PMP22: variants seen among roughly 807,000 people sequenced by gnomAD.
PMP22 encodes Charcot-Marie-Tooth neuropathy 1A (greatly reduced nerve conduction velocity, hereditary motor sensory neuropathy Ia).
A neutral mutation model predicts 18.9 loss-of-function variants in PMP22; 2 were observed. The observed-to-expected ratio is 0.11, with a 90% CI of 0.04 to 0.33. The LOEUF is 0.33. Among genes scored for constraint, PMP22 ranks in the 10% least tolerant of loss-of-function variants. The pLI is 1.00. For missense variants in PMP22, 169 were observed against 202.2 expected, an observed-to-expected ratio of 0.84 and a Z score of 1.00; for synonymous variants, 95 against 89.2, an observed-to-expected ratio of 1.07 and a Z score of -0.37.
intron 1 of PMP22, among the ~76,000 whole-genome samples, chr17:15,262,134 C>G (rs1205820172): frequency 6.6e-6 from 1 of 152,218 alleles, no homozygotes; most frequent in Non-Finnish European, 1.5e-5. Flanking sequence ...CAGTGTGTCC[C>G]AGAGTCAACG....
At chr17:15,249,331 T>C (rs1021260219) in intron 3 of PMP22, among the ~76,000 whole-genome samples, 1 of 152,154 alleles carries the variant, frequency 6.6e-6, no homozygotes, top group Admixed American at 6.6e-5. Flanking sequence ...ATGCCTGCTC[T>C]GCTTTTAGGA....
At chr17:15,240,246 A>T (rs1299894290) in intron 3 of PMP22, among the ~76,000 whole-genome samples, 1 of 152,120 alleles carries the variant, frequency 6.6e-6, no homozygotes, top group Non-Finnish European at 1.5e-5. Context: ...AATAGCTTAA[A>T]ACCACTATTC....
Position 15,230,995 on chromosome 17 carries a change from G to A in PMP22, c.405C>T (p.Ala135=). ...HLNSDYSYGF[A]YILAWVAFPL... The stretch of plus-strand genomic sequence containing the variant: ...GGAAGGCCACCCAGGCCAGGATGTA[G>A]GCGAAACCGTAGGAGTAATCCGAGT... Residue 135 remains alanine, a synonymous_variant, in exon 5 of 5, where the codon GCC becomes GCT. Transcript: ENST00000312280. 6.2e-7 allele frequency: 1 copy of A among 1,614,164 alleles called. No homozygotes were observed. The highest frequency in any genetic ancestry group is 8.5e-7 in the Non-Finnish European group (1 of 1,180,016).
chr17:15,263,575 ACG>A (rs898532214), intron 1 of PMP22, among the ~76,000 whole-genome samples: 2 of 105,758 alleles, frequency 1.9e-5, no homozygotes, highest in South Asian at 2.9e-4. Context: ...CAGTTCACGC[ACG>A]CGCGCGCACA....
Position 15,261,277 on chromosome 17 carries a change from G to A in PMP22, c.-34-516C>T, listed in dbSNP as rs1456870115. On this transcript the variant is annotated intron_variant, in intron 1 of 4. Coordinates refer to ENST00000312280, the MANE Select transcript of PMP22 (RefSeq NM_000304.4). The surrounding 1 kb of genome is among the most constrained non-coding windows in gnomAD (Gnocchi z 5.2). ...GGCATGCGGTGGGGGAGACAGCGGC[G>A]AGGAGGCTGGTTTCCCAGACCCCAG... 6.5e-6 allele frequency: 1 copy of A among 153,022 alleles called. No homozygotes were observed. The highest frequency in any genetic ancestry group is 2.4e-5 in the African/African-American group (1 of 41,446). The allele number at this position is 153,022 out of a possible 1,614,324, so 9.5% of individuals were successfully genotyped here. A position where few individuals can be genotyped will look rare whatever the true frequency, so the allele number is the denominator to read the frequency against.
At chr17:15,247,042 C>A (rs1338779124) in intron 3 of PMP22, among the ~76,000 whole-genome samples, 1 of 126,932 alleles carries the variant, frequency 7.9e-6, no homozygotes, top group Non-Finnish European at 1.6e-5. Context: ...TGCACTCCAG[C>A]CTGGAAACAG....
rs201945977 is a variant in PMP22 at position 15,239,652 on chromosome 17, C to A, written c.179-41G>T. 936 of 1,611,256 alleles carry A rather than the reference C, an allele frequency of 5.8e-4. 1 individual carries two copies. Among genetic ancestry groups the A allele is most frequent in the Non-Finnish European group, 7.3e-4 (866 of 1,178,646 alleles). On this transcript the variant is annotated intron_variant, in intron 3 of 4. Coordinates refer to ENST00000312280, the MANE Select transcript of PMP22 (RefSeq NM_000304.4). The stretch of plus-strand genomic sequence containing the variant: ...ACTTGGTTAGGAGAGCTGGCCATGG[C>A]CGGGGGAGGGCTCTGCCTCGAGGTG...
At chr17:15,231,476 T>C (rs192075943) in intron 4 of PMP22, among the ~76,000 whole-genome samples, 1 of 152,216 alleles carries the variant, frequency 6.6e-6, no homozygotes, top group Admixed American at 6.5e-5. Flanking sequence ...ACTCTACAAG[T>C]GAGTGGTGGC....
chr17:15,257,813 C>A (rs1908970798), intron 3 of PMP22, among the ~76,000 whole-genome samples: 1 of 152,236 alleles, frequency 6.6e-6, no homozygotes, highest in African/African-American at 2.4e-5. Context: ...CCCTCCCCAA[C>A]CCAGAAGGTA....
At position 15,230,792 on chromosome 17, in the gene PMP22, C is replaced by T; in HGVS notation, c.*125G>A. 1 of 998,886 alleles carries T rather than the reference C, an allele frequency of 1.0e-6. No homozygotes were observed. Among genetic ancestry groups the T allele is most frequent in the Non-Finnish European group, 1.6e-6 (1 of 638,770 alleles). The allele number at this position is 998,886 out of a possible 1,614,324, so 61.9% of individuals were successfully genotyped here. On this transcript the variant is annotated 3_prime_UTR_variant, in exon 5 of 5. Transcript: ENST00000312280. ...TCAACAGCAACCCCCACCTCCACTG[C>T]TTTCTGTTTGGTTTGGTTTGAGTTT...
intron 3 of PMP22, among the ~76,000 whole-genome samples, chr17:15,249,281 G>A (rs1384597119): frequency 6.6e-6 from 1 of 152,110 alleles, no homozygotes; most frequent in Non-Finnish European, 1.5e-5. Flanking sequence ...CGGGACCCAT[G>A]CAATGTGCAG....
intron 1 of PMP22, among the ~76,000 whole-genome samples, chr17:15,263,779 G>A (rs550751403): frequency 2.6e-5 from 4 of 152,192 alleles, no homozygotes; most frequent in Admixed American, 2.0e-4. Flanking sequence ...TAAAACTATC[G>A]TGTTATCAGA....
chr17:15,242,306 T>C (rs2150681344), intron 3 of PMP22, among the ~76,000 whole-genome samples: 1 of 138,840 alleles, frequency 7.2e-6, no homozygotes, highest in East Asian at 2.1e-4. Context: ...TCTAATATAA[T>C]AGATACACCT....
intron 1 of PMP22, among the ~76,000 whole-genome samples, chr17:15,263,468 G>A (rs1909498359): frequency 6.6e-6 from 1 of 152,102 alleles, no homozygotes; most frequent in Non-Finnish European, 1.5e-5. Context: ...GCTTGGCAGA[G>A]GCGCGCCCAA....
At chr17:15,263,581 G>GCACA (rs1252164081) in intron 1 of PMP22, among the ~76,000 whole-genome samples, 12 of 87,312 alleles carry the variant, frequency 1.4e-4, no homozygotes, top group African/African-American at 5.0e-4. Context: ...ACGCACGCGC[G>GCACA]CGCACACACA....
At chr17:15,235,292 G>T in intron 4 of PMP22, 1 of 717,454 alleles carries the variant, frequency 1.4e-6, no homozygotes. Context: ...ATTCTGCCGA[G>T]GAAACACAAT....
rs538697581 is a variant in PMP22 at position 15,260,883 on chromosome 17, C to G, written c.-34-122G>C. On this transcript the variant is annotated intron_variant, in intron 1 of 4. Coordinates refer to ENST00000312280, the MANE Select transcript of PMP22 (RefSeq NM_000304.4). ...CCTGGCCCAGCGCCCGCAGCCCGAC[C>G]GCCCGCGCGGGTCAGGAGCCTTCGC... The G allele has an allele frequency of 2.8e-4, 192 of 678,008 alleles. 1 individual carries two copies. Among genetic ancestry groups the G allele is most frequent in the Middle Eastern group, 2.5e-3 (6 of 2,364 alleles). The allele number at this position is 678,008 out of a possible 1,614,324, so 42.0% of individuals were successfully genotyped here. A position where few individuals can be genotyped will look rare whatever the true frequency, so the allele number is the denominator to read the frequency against.
At chr17:15,231,148 C>A in intron 4 of PMP22, 68 bp from the exon 5 acceptor site, 1 of 1,483,442 alleles carries the variant, frequency 6.7e-7, no homozygotes, top group South Asian at 1.1e-5. Flanking sequence ...CTCCGCCACC[C>A]CGGATGCTGA....
intron 3 of PMP22, among the ~76,000 whole-genome samples, chr17:15,245,002 G>A (rs1159781139): frequency 6.6e-6 from 1 of 152,178 alleles, no homozygotes; most frequent in East Asian, 1.9e-4. Flanking sequence ...GTGGAATTCT[G>A]GGCAGGACTG....
Sources: gnomAD v4.1 joint callset for allele counts (sites outside exome capture counted in the v4.1 genomes callset) on GRCh38, gnomAD v4.1.1 for gene constraint, Gnocchi (gnomAD v3.1) non-coding constraint, MANE v1.5 for transcripts, NCBI Gene and HGNC (gene_info 2026-07-23, HGNC 2026-07-21) for gene names.